Variants in SGCD observed in about 807,000 individuals in gnomAD.
SGCD encodes delta-sarcoglycan.
SGCD carries 18 observed loss-of-function variants against 36.6 expected under a neutral mutation model. The observed-to-expected ratio is 0.49, with a 90% CI of 0.34 to 0.73. The LOEUF is 0.73. SGCD is among the 30% of genes least tolerant of loss of function. The pLI, the probability that SGCD is intolerant of heterozygous loss-of-function variation, is 0.01. For synonymous variants in SGCD, 133 were observed against 130.6 expected, an observed-to-expected ratio of 1.02 and a Z score of -0.12; for missense variants, 387 against 346.7, an observed-to-expected ratio of 1.12 and a Z score of -0.92.
At chr5:156,633,237 G>A (rs1762701950) in intron 6 of SGCD, among the ~76,000 whole-genome samples, 1 of 152,186 alleles carries the variant, frequency 6.6e-6, no homozygotes, top group Non-Finnish European at 1.5e-5. Context: ...ACTCACTGAC[G>A]ATGTGCACTG....
intron 7 of SGCD, among the ~76,000 whole-genome samples, chr5:156,700,885 G>A (rs1468178359): frequency 6.7e-6 from 1 of 149,618 alleles, no homozygotes; most frequent in Non-Finnish European, 1.5e-5. Flanking sequence ...CGAGCCTGCA[G>A]TGAGCCATGG....
At chr5:156,092,464 T>G (rs949372042) in intron 1 of SGCD, among the ~76,000 whole-genome samples, 2 of 152,214 alleles carry the variant, frequency 1.3e-5, no homozygotes, top group South Asian at 4.1e-4. Flanking sequence ...CAGAACTCCT[T>G]TATCTAGTTG....
chr5:156,281,279 C>A (rs191157702), intron 3 of SGCD, among the ~76,000 whole-genome samples: 72 of 152,020 alleles, frequency 4.7e-4, no homozygotes, highest in African/African-American at 1.7e-3. Context: ...CATCCCCCCC[C>A]AAAAAAGAAC....
rs1399254723 is a variant in SGCD, at chr5:155,987,765, C to T, written c.-282+117341C>T. On this transcript the variant is annotated intron_variant, in intron 1 of 9. Transcript: ENST00000517913. Reference sequence around the variant, plus strand: ...TCCTCTTATTTTTATCAGGCAAACTCCTATTCTTCTTTCCATTTCTAGCTC... The same window carrying T: ...TCCTCTTATTTTTATCAGGCAAACTTCTATTCTTCTTTCCATTTCTAGCTC... 3.3e-5 allele frequency among the ~76,000 whole-genome samples: 5 copies of T among 152,274 alleles called. No homozygotes were observed. The East Asian group carries it at 5.8e-4, about 18-fold the overall frequency.
At chr5:156,135,215 G>A (rs923812208) in intron 3 of SGCD, among the ~76,000 whole-genome samples, 3 of 152,082 alleles carry the variant, frequency 2.0e-5, no homozygotes, top group Non-Finnish European at 4.4e-5. Flanking sequence ...TTAATTTCCA[G>A]TTGTTTTTGG....
intron 1 of SGCD, among the ~76,000 whole-genome samples, chr5:155,947,162 C>T (rs901296205): frequency 6.6e-6 from 1 of 152,116 alleles, no homozygotes; most frequent in Non-Finnish European, 1.5e-5. Flanking sequence ...GCTACTATGG[C>T]ATTGATGCTT....
chr5:156,453,371 C>T (rs952579923), intron 3 of SGCD, among the ~76,000 whole-genome samples: 5 of 152,058 alleles, frequency 3.3e-5, no homozygotes, highest in African/African-American at 9.7e-5. Context: ...AGTGAGCACC[C>T]CCACCATCAC....
At chr5:156,432,225 C>T (rs1398984438) in intron 3 of SGCD, among the ~76,000 whole-genome samples, 1 of 152,190 alleles carries the variant, frequency 6.6e-6, no homozygotes, top group Non-Finnish European at 1.5e-5. Context: ...GGCTAATGTG[C>T]TGGCTTTCTA....
intron 3 of SGCD, among the ~76,000 whole-genome samples, chr5:156,348,135 G>A (rs988223702): frequency 2.0e-5 from 3 of 151,412 alleles, no homozygotes; most frequent in Non-Finnish European, 2.9e-5. Context: ...AGTGGAGATC[G>A]TGGGGAAAGA....
chr5:156,453,747 A>G (rs1754128696), intron 3 of SGCD, among the ~76,000 whole-genome samples: 1 of 152,188 alleles, frequency 6.6e-6, no homozygotes, highest in Non-Finnish European at 1.5e-5. Context: ...AAAAACAAAC[A>G]AACAAACAAA....
intron 6 of SGCD, among the ~76,000 whole-genome samples, chr5:156,632,668 G>A (rs1762680997): frequency 6.6e-6 from 1 of 152,142 alleles, no homozygotes; most frequent in African/African-American, 2.4e-5. Flanking sequence ...CCATGGTTTG[G>A]GTTTATGTAA....
chr5:156,578,083 G>A (rs563080598), intron 4 of SGCD, among the ~76,000 whole-genome samples: 21 of 152,230 alleles, frequency 1.4e-4, no homozygotes, highest in African/African-American at 1.9e-4. Flanking sequence ...TTTGAGATAT[G>A]TCCCATCAAT....
chr5:156,318,029 C>G (rs2127694770), intron 3 of SGCD, among the ~76,000 whole-genome samples: 1 of 152,246 alleles, frequency 6.6e-6, no homozygotes, highest in East Asian at 1.9e-4. Flanking sequence ...CCTTGGAGTT[C>G]TCACAGAATG....
In SGCD at chr5:156,488,450, C is replaced by CA. The variant is rs938764245; in HGVS notation, c.193-20150dup. 1.6e-4 allele frequency among the ~76,000 whole-genome samples: 24 copies of CA among 151,968 alleles called. 1 individual carries two copies. Among genetic ancestry groups the CA allele is most frequent in the African/African-American group, 5.3e-4 (22 of 41,388 alleles). On this transcript the variant is annotated intron_variant, in intron 3 of 8. Coordinates refer to ENST00000337851, the MANE Select transcript of SGCD (RefSeq NM_000337.6). ...ATGAGGGAATTCCTCATCAAACTAA[C>CA]AGAGATTTCTCCATATAAATCTTAC...
At chr5:156,324,583 C>A (rs956106485), upstream of SGCD, among the ~76,000 whole-genome samples, 2 of 152,160 alleles carry the variant, frequency 1.3e-5, no homozygotes, top group African/African-American at 4.8e-5. Context: ...TCTCCAGATG[C>A]CCACATTGAA....
At chr5:156,691,512 A>G (rs1336868148) in intron 7 of SGCD, among the ~76,000 whole-genome samples, 1 of 152,192 alleles carries the variant, frequency 6.6e-6, no homozygotes, top group African/African-American at 2.4e-5. Flanking sequence ...TTGTGACATA[A>G]TTACTCAACC....
chr5:156,482,771 C>T (rs1475683439), intron 3 of SGCD, among the ~76,000 whole-genome samples: 2 of 142,524 alleles, frequency 1.4e-5, no homozygotes, highest in African/African-American at 5.2e-5. Flanking sequence ...ATCCTCCCTA[C>T]AAGATAATGA....
Position 156,344,794 on chromosome 5 carries a change from C to A in SGCD, c.192+117C>A, listed in dbSNP as rs540766973. Reference sequence around the variant, plus strand: ...ACAGTAGGACTCAAAAAATCTGTAACCTCGTGTTTTGGTGAAAGAGCATTT... The same window carrying A: ...ACAGTAGGACTCAAAAAATCTGTAAACTCGTGTTTTGGTGAAAGAGCATTT... On this transcript the variant is annotated intron_variant, in intron 3 of 8. Coordinates refer to ENST00000337851, the MANE Select transcript of SGCD (RefSeq NM_000337.6). The A allele has an allele frequency of 1.0e-4, 71 of 710,010 alleles. No individual in the cohort carries two copies. The South Asian group carries it at 1.4e-3, about 14-fold the overall frequency. The allele number at this position is 710,010 out of a possible 1,614,324, so 44.0% of individuals were successfully genotyped here. A position where few individuals can be genotyped will look rare whatever the true frequency, so the allele number is the denominator to read the frequency against.
intron 3 of SGCD, among the ~76,000 whole-genome samples, chr5:156,418,886 C>T (rs1443996165): frequency 3.9e-5 from 6 of 152,142 alleles, no homozygotes. Flanking sequence ...TTTGGCATTA[C>T]CTTTTCTTTT....
Sources: allele counts gnomAD v4.1 joint callset (sites outside exome capture counted in the v4.1 genomes callset), GRCh38; gene constraint gnomAD v4.1.1; transcripts MANE v1.5; gene names NCBI Gene and HGNC (gene_info 2026-07-23, HGNC 2026-07-21).